Variants in FBXO33 observed in about 807,000 individuals in gnomAD.
FBXO33 encodes F-box only protein 33.
FBXO33 carries 22 observed loss-of-function variants against 46.3 expected under a neutral mutation model. The ratio of observed to expected loss-of-function variants is 0.48; its 90% CI spans 0.34 to 0.68. FBXO33 has a LOEUF of 0.68. Ranked by LOEUF, FBXO33 falls within the 30% of genes least tolerant of loss-of-function variation. The pLI is 0.01. For synonymous variants in FBXO33, 337 were observed against 291.3 expected (o/e 1.16, Z -1.60); for missense variants, 692 against 708.8 (o/e 0.98, Z 0.27).
At position 39,401,352 on chromosome 14, in the gene FBXO33, G is replaced by A. The variant is rs1342410443; in HGVS notation, c.1220C>T (p.Ser407Leu). The change falls in exon 3 of 4, where the codon TCA becomes TTA. Residue 407 changes from serine to leucine, a missense_variant. Ser to Leu is a moderately radical substitution (Grantham distance 145). Transcript: ENST00000298097. ...IHFDSYITCV[S>L]GAIVDLISRQ... ...GGATATAAGATCAACAATAGCCCCT[G>A]AAACACAAGTGATATAGCTATCAAA... 3 of 1,614,122 alleles carry A rather than the reference G, an allele frequency of 1.9e-6. No individual in the cohort carries two copies. Among genetic ancestry groups the A allele is most frequent in the South Asian group, 2.2e-5 (2 of 91,068 alleles).
chr14:39,420,915 A>T (rs1226665002), intron 1 of FBXO33, among the ~76,000 whole-genome samples: 2 of 152,320 alleles, frequency 1.3e-5, no homozygotes, highest in Non-Finnish European at 2.9e-5. Context: ...AATAGAAATA[A>T]TAGAGAAGCC....
intron 1 of FBXO33, among the ~76,000 whole-genome samples, chr14:39,424,046 A>G (rs1412812220): frequency 2.0e-5 from 3 of 152,208 alleles, no homozygotes; most frequent in South Asian, 4.1e-4. Context: ...AAGTGAGAAC[A>G]TGCGGTATTT....
At chr14:39,415,635 C>A (rs1213003713) in intron 1 of FBXO33, among the ~76,000 whole-genome samples, 1 of 152,182 alleles carries the variant, frequency 6.6e-6, no homozygotes, top group Non-Finnish European at 1.5e-5. Context: ...TACATATCCA[C>A]CAATTAATTA....
intron 1 of FBXO33, among the ~76,000 whole-genome samples, chr14:39,412,590 G>A (rs757672850): frequency 7.9e-5 from 12 of 151,108 alleles, no homozygotes; most frequent in South Asian, 4.2e-4. Context: ...CATTTTGTTC[G>A]TAGTTTTTTT....
intron 3 of FBXO33, 88 bp from the exon 4 acceptor site, chr14:39,399,875 T>G: frequency 7.4e-7 from 1 of 1,356,174 alleles, no homozygotes; most frequent in East Asian, 2.4e-5. Flanking sequence ...TCAAAGCTTC[T>G]AGAGAAGCTT....
At chr14:39,413,480 T>C (rs116430306) in intron 1 of FBXO33, among the ~76,000 whole-genome samples, 357 of 152,336 alleles carry the variant, frequency 2.3e-3, no homozygotes, top group African/African-American at 8.1e-3. Context: ...TTAATGTTGA[T>C]ATTTTGATCT....
chr14:39,420,483 C>A (rs921080901), intron 1 of FBXO33, among the ~76,000 whole-genome samples: 9 of 152,208 alleles, frequency 5.9e-5, no homozygotes, highest in Admixed American at 2.0e-4. Context: ...GAGGTCAGAT[C>A]GAGACCAACC....
intron 1 of FBXO33, among the ~76,000 whole-genome samples, chr14:39,414,803 AG>A (rs1336544973): frequency 3.3e-5 from 5 of 152,176 alleles, no homozygotes; most frequent in African/African-American, 9.7e-5. Context: ...ATGGGAACAC[AG>A]GTGCACACCA....
intron 1 of FBXO33, among the ~76,000 whole-genome samples, chr14:39,418,718 T>C (rs1399843000): frequency 7.0e-6 from 1 of 143,854 alleles, no homozygotes; most frequent in African/African-American, 2.6e-5. Flanking sequence ...GAGGTTGCAG[T>C]GAGCCGAGAT....
chr14:39,416,866 C>T (rs898921973), intron 1 of FBXO33, among the ~76,000 whole-genome samples: 1 of 151,944 alleles, frequency 6.6e-6, no homozygotes, highest in South Asian at 2.1e-4. Flanking sequence ...GAATTATTTT[C>T]TTCCTTAGAT....
Position 39,399,326 on chromosome 14 carries a change from T to C in FBXO33, c.*190A>G. The stretch of plus-strand genomic sequence containing the variant: ...CATTAACCGTGAAAGCCCTATACAT[T>C]GTCACTTTGAACTTCTAAACCAATA... On this transcript the variant is annotated 3_prime_UTR_variant, in exon 4 of 4. Transcript: ENST00000298097. The C allele has an allele frequency of 2.0e-6, 1 of 493,892 alleles. No homozygotes were observed. Among genetic ancestry groups the C allele is most frequent in the South Asian group, 4.2e-5 (1 of 23,642 alleles). The allele number at this position is 493,892 out of a possible 1,614,324, so 30.6% of individuals were successfully genotyped here.
At chr14:39,406,257 A>C (rs2075397569) in intron 1 of FBXO33, among the ~76,000 whole-genome samples, 1 of 152,210 alleles carries the variant, frequency 6.6e-6, no homozygotes, top group Non-Finnish European at 1.5e-5. Flanking sequence ...AGTAGAAAAA[A>C]TATGTCACAC....
rs1270113459 is a variant in FBXO33, at chr14:39,424,869, A to G, written c.599+6695T>C. Among the ~76,000 whole-genome samples, 4 of 152,126 alleles carry G rather than the reference A, an allele frequency of 2.6e-5. No homozygotes were observed. The East Asian group carries it at 7.7e-4, about 29-fold the overall frequency. On this transcript the variant is annotated intron_variant, in intron 1 of 3. Coordinates refer to ENST00000298097, the MANE Select transcript of FBXO33 (RefSeq NM_203301.4). Reference sequence around the variant, plus strand: ...GGAGATTGAGACCATCCTGGCCAATATGGTGAAACCCCGTCTCTACTAAAA... The same window carrying G: ...GGAGATTGAGACCATCCTGGCCAATGTGGTGAAACCCCGTCTCTACTAAAA...
Position 39,431,556 on chromosome 14 carries a change from A to C in FBXO33, c.599+8T>G. On this transcript the variant is annotated splice_region_variant and intron_variant, in intron 1 of 3. Coordinates refer to ENST00000298097, the MANE Select transcript of FBXO33 (RefSeq NM_203301.4). ...TACCGGGCGGGGCGGGGCTCAGGGC[A>C]AGCCTACCTGTTGTTCCGGATGCTG... 6.2e-7 allele frequency: 1 copy of C among 1,610,690 alleles called. No homozygotes were observed. Among genetic ancestry groups the C allele is most frequent in the Non-Finnish European group, 8.5e-7 (1 of 1,179,982 alleles).
At chr14:39,420,570 A>G (rs921028429) in intron 1 of FBXO33, among the ~76,000 whole-genome samples, 3 of 152,130 alleles carry the variant, frequency 2.0e-5, no homozygotes, top group Non-Finnish European at 2.9e-5. Context: ...ACCTGTATGT[A>G]GTCCCAGCCA....
chr14:39,406,549 G>A (rs1327800174), intron 1 of FBXO33, among the ~76,000 whole-genome samples: 1 of 152,150 alleles, frequency 6.6e-6, no homozygotes, highest in Non-Finnish European at 1.5e-5. Flanking sequence ...CTCCGATTAT[G>A]GTCTGGAGAG....
At position 39,426,324 on chromosome 14, in the gene FBXO33, CT is replaced by C. The variant is rs1347774770; in HGVS notation, c.599+5239del. On this transcript the variant is annotated intron_variant, in intron 1 of 3. Coordinates refer to ENST00000298097, the MANE Select transcript of FBXO33 (RefSeq NM_203301.4). ...GGGCTATACTTCCAAAATCCATCCA[CT>C]TTTTTTCATCTCTCCTGCCTCCATC... Among the ~76,000 whole-genome samples, 3 of 152,144 alleles carry C rather than the reference CT, an allele frequency of 2.0e-5. No homozygotes were observed. The East Asian group carries it at 5.8e-4, about 29-fold the overall frequency.
intron 1 of FBXO33, among the ~76,000 whole-genome samples, chr14:39,409,283 C>T (rs1251009648): frequency 6.6e-6 from 1 of 152,032 alleles, no homozygotes; most frequent in East Asian, 1.9e-4. Context: ...CGATAGGATC[C>T]AATTTCCTTC....
intron 1 of FBXO33, among the ~76,000 whole-genome samples, chr14:39,415,951 G>A (rs1054172599): frequency 6.6e-6 from 1 of 152,232 alleles, no homozygotes; most frequent in Non-Finnish European, 1.5e-5. Context: ...ACAGGTGTGA[G>A]CCATGGTGTC....
Sources: gnomAD v4.1 joint callset for allele counts (sites outside exome capture counted in the v4.1 genomes callset) on GRCh38, gnomAD v4.1.1 for gene constraint, MANE v1.5 for transcripts, NCBI Gene and HGNC (gene_info 2026-07-23, HGNC 2026-07-21) for gene names.